Variants in EDRF1 observed in about 807,000 individuals in gnomAD.
EDRF1 encodes the protein erythroid differentiation-related factor 1.
EDRF1 carries 69 observed loss-of-function variants against 148.7 expected under a neutral mutation model. The ratio of observed to expected loss-of-function variants is 0.46; its 90% CI spans 0.38 to 0.57. The LOEUF (loss-of-function observed/expected upper bound fraction) is 0.57, where lower values mean the gene tolerates loss of function less well. Among genes scored for constraint, EDRF1 ranks in the 20% least tolerant of loss-of-function variants. The pLI is 0.00. For synonymous variants in EDRF1, 515 were observed against 532.8 expected, an observed-to-expected ratio of 0.97 and a Z score of 0.46; for missense variants, 1,118 against 1,478.7, an observed-to-expected ratio of 0.76 and a Z score of 4.00.
chr10:125,725,059 A>T (rs1398204318), intron 4 of EDRF1, among the ~76,000 whole-genome samples: 8 of 152,308 alleles, frequency 5.3e-5, no homozygotes, highest in African/African-American at 1.9e-4. Context: ...AGTGGGAACT[A>T]CTGCAGCTGC....
chr10:125,744,555 C>T (rs1282609328), intron 18 of EDRF1, among the ~76,000 whole-genome samples: 2 of 152,124 alleles, frequency 1.3e-5, no homozygotes, highest in Non-Finnish European at 2.9e-5. Flanking sequence ...GAGTTCATTG[C>T]TAGTGGGAGA....
chr10:125,721,191 A>G lies in EDRF1; in HGVS notation c.109-13A>G, dbSNP rs1296376504. On this transcript the variant is annotated splice_polypyrimidine_tract_variant and intron_variant, in intron 1 of 24. Coordinates refer to ENST00000356792, the MANE Select transcript of EDRF1 (RefSeq NM_001202438.2). ...GTAATTTTCATTAAAGTTTCACCCA[A>G]TGTGTTAATTAGGGATCAGCTTTAT... The G allele has an allele frequency of 1.9e-6, 3 of 1,613,446 alleles. No individual in the cohort carries two copies. Among genetic ancestry groups the G allele is most frequent in the Non-Finnish European group, 2.5e-6 (3 of 1,179,408 alleles).
At chr10:125,752,685 T>C in intron 22 of EDRF1, 114 bp from the exon 23 acceptor site, 2 of 699,926 alleles carry the variant, frequency 2.9e-6, no homozygotes, top group Admixed American at 2.5e-5. Flanking sequence ...TTTAAGATTC[T>C]CATTAGCTTC....
intron 24 of EDRF1, chr10:125,761,187 C>A: frequency 2.6e-6 from 1 of 379,690 alleles, no homozygotes; most frequent in South Asian, 2.1e-5. Context: ...GTGAAAGATG[C>A]ATTTTACTTG....
At chr10:125,731,748 A>G (rs1848485875) in intron 9 of EDRF1, 1 of 322,320 alleles carries the variant, frequency 3.1e-6, no homozygotes, top group Non-Finnish European at 6.8e-6. Context: ...ACTTTCCACT[A>G]GAGAGGAACT....
At position 125,747,872 on chromosome 10, in the gene EDRF1, G is replaced by A; in HGVS notation, c.2983G>A (p.Glu995Lys). The change falls in exon 21 of 25, where the codon GAA becomes AAA. Residue 995 changes from glutamate to lysine, a missense_variant. By Grantham distance (56) the Glu-to-Lys change is moderately conservative (BLOSUM62 1). Coordinates refer to ENST00000356792, the MANE Select transcript of EDRF1 (RefSeq NM_001202438.2). ...CTCAAAACAAGAACAGATTGAGAAAGAAGTCAGTGAGGCCATGATGAAGTC... is the reference window on the plus strand; with the variant it reads ...CTCAAAACAAGAACAGATTGAGAAAAAAGTCAGTGAGGCCATGATGAAGTC... ...SRKAQEQIEK[E>K]VSEAMMKSLK... 3.1e-6 allele frequency: 5 copies of A among 1,614,194 alleles called. No homozygotes were observed. The highest frequency in any genetic ancestry group is 4.2e-6 in the Non-Finnish European group (5 of 1,180,032).
chr10:125,737,677 G>C (rs1285370111), intron 13 of EDRF1, among the ~76,000 whole-genome samples: 2 of 152,152 alleles, frequency 1.3e-5, no homozygotes, highest in African/African-American at 4.8e-5. Context: ...ATTATGAGTG[G>C]AGCTGACCTA....
At chr10:125,752,751 T>G (rs1170402726) in intron 22 of EDRF1, 48 bp from the exon 23 acceptor site, 1 of 1,282,158 alleles carries the variant, frequency 7.8e-7, no homozygotes, top group Non-Finnish European at 1.1e-6. Flanking sequence ...TTAGATGGGT[T>G]TCTAGATTTA....
At position 125,749,480 on chromosome 10, in the gene EDRF1, G is replaced by A. The variant is rs779854916; in HGVS notation, c.3192G>A (p.Lys1064=). 2.5e-6 allele frequency: 4 copies of A among 1,614,194 alleles called. No individual in the cohort carries two copies. Among genetic ancestry groups the A allele is most frequent in the African/African-American group, 1.3e-5 (1 of 75,054 alleles). The part of the protein sequence containing the change: ...LADLHYSKAA[K]LFQLLKDAPC... ...ATCTTCATTACAGCAAGGCCGCAAA[G>A]CTGTTTCAGCTGCTGAAAGATGCTC... The change falls in exon 22 of 25, where the codon AAG becomes AAA. Residue 1064 remains lysine (K), a synonymous_variant. Transcript: ENST00000356792.
At chr10:125,744,279 C>T (rs1298727523) in intron 18 of EDRF1, among the ~76,000 whole-genome samples, 1 of 150,858 alleles carries the variant, frequency 6.6e-6, no homozygotes, top group Non-Finnish European at 1.5e-5. Context: ...AATGCAGTGG[C>T]ATAATCATAG....
rs1849123934 is a variant in EDRF1, at chr10:125,743,183, T to C, written c.2497T>C (p.Tyr833His). 2 of 1,613,876 alleles carry C rather than the reference T, an allele frequency of 1.2e-6. No homozygotes were observed. The highest frequency in any genetic ancestry group is 1.7e-6 in the Non-Finnish European group (2 of 1,179,892). ...CTTGAAAAGCCAAAATCCAGAACAC[T>C]ATGTACAAGTATTAAAGAGAATGGG... is the stretch of plus-strand genomic sequence containing the variant. Reference protein sequence around the residue: ...SDLKSQNPEHYVQVLKRMGNI... With the variant: ...SDLKSQNPEHHVQVLKRMGNI... Residue 833 changes from tyrosine (Y) to histidine (H), a missense_variant, in exon 18 of 25, where the codon TAT (tyrosine) becomes CAT (histidine). Physicochemically the swap from Tyr to His is moderately conservative, Grantham distance 83. This residue lies in a region of EDRF1 where 954 missense variants were observed against 1,241.4 expected (regional missense o/e 0.77). Coordinates refer to ENST00000356792, the MANE Select transcript of EDRF1 (RefSeq NM_001202438.2).
At chr10:125,743,873 G>A (rs1212613792) in intron 18 of EDRF1, among the ~76,000 whole-genome samples, 1 of 152,188 alleles carries the variant, frequency 6.6e-6, no homozygotes, top group African/African-American at 2.4e-5. Context: ...GTGTGAGGAA[G>A]ATGTGGGATA....
chr10:125,757,743 G>A (rs1318582158), intron 24 of EDRF1, among the ~76,000 whole-genome samples: 1 of 152,176 alleles, frequency 6.6e-6, no homozygotes, highest in Non-Finnish European at 1.5e-5. Context: ...GTACTTTAAA[G>A]ATGTCACTCC....
rs574826318 is a variant in EDRF1, at chr10:125,725,273, C to T, written c.511-45C>T. The T allele has an allele frequency of 1.6e-5, 25 of 1,611,330 alleles. No homozygotes were observed. In the South Asian group the frequency reaches 1.9e-4, roughly 12 times the overall value. On this transcript the variant is annotated intron_variant, in intron 4 of 24. Transcript: ENST00000356792. ...AAGCTAGTACTAGGTAACATTGTTT[C>T]GACTATGTGTGTTGTATTAATAATA...
At chr10:125,733,300 G>T in intron 9 of EDRF1, 104 bp from the exon 10 acceptor site, 1 of 861,124 alleles carries the variant, frequency 1.2e-6, no homozygotes. Flanking sequence ...TGCTACATAG[G>T]TCTCTGTTTG....
At chr10:125,726,918 CT>C (rs1320568242) in intron 6 of EDRF1, among the ~76,000 whole-genome samples, 1 of 152,120 alleles carries the variant, frequency 6.6e-6, no homozygotes, top group African/African-American at 2.4e-5. Flanking sequence ...CTGTCTTTAC[CT>C]TGTTTAGGAA....
rs533876573 is a variant in EDRF1, at chr10:125,763,675, C to T, written c.*203C>T. ...TCACTTGAAGTGCTAACATCAGAAT[C>T]AAACTTAAAGCTTCCACTATTTATG... On this transcript the variant is annotated 3_prime_UTR_variant, in exon 25 of 25. Coordinates refer to ENST00000356792, the MANE Select transcript of EDRF1 (RefSeq NM_001202438.2). The surrounding 1 kb of genome is among the most constrained non-coding windows in gnomAD (Gnocchi z 4.3). 4 of 631,344 alleles carry T rather than the reference C, an allele frequency of 6.3e-6. No homozygotes were observed. Among genetic ancestry groups the T allele is most frequent in the South Asian group, 3.9e-5 (2 of 51,302 alleles). 39.1% of individuals were successfully genotyped at this position (631,344 alleles called of 1,614,324 possible).
Position 125,763,467 on chromosome 10 carries a change from C to T in EDRF1, c.3712C>T (p.Gln1238Ter). The T allele has an allele frequency of 1.2e-6, 2 of 1,606,538 alleles. No individual in the cohort carries two copies. The highest frequency in any genetic ancestry group is 1.7e-6 in the Non-Finnish European group (2 of 1,179,930). The change falls in exon 25 of 25, where the codon CAG becomes TAG. Residue 1238 changes from glutamine (Q) to a stop codon, truncating the protein, a stop_gained. Coordinates refer to ENST00000356792, the MANE Select transcript of EDRF1 (RefSeq NM_001202438.2). LOFTEE classifies it high-confidence loss of function. This position sits in a 1 kb window ranked among gnomAD's most constrained non-coding sequence, Gnocchi z 4.3. The part of the protein sequence containing the change: ...AGSAASSNAV[Q>*] The stretch of plus-strand genomic sequence containing the variant: ...CAGTGCAGCGAGCAGCAATGCCGTT[C>T]AGTGACTGCACAGAGCCGTGTCCCA...
intron 8 of EDRF1, 165 bp from the exon 9 acceptor site, chr10:125,730,123 A>G: frequency 1.7e-6 from 1 of 605,940 alleles, no homozygotes; most frequent in Non-Finnish European, 2.9e-6. Flanking sequence ...AATATAGCAC[A>G]ACCACTGAGC....
Sources: gnomAD v4.1 joint callset for allele counts (sites outside exome capture counted in the v4.1 genomes callset) on GRCh38, gnomAD v4.1.1 for gene constraint, gnomAD v4.1.1 regional missense constraint, Gnocchi (gnomAD v3.1) non-coding constraint, MANE v1.5 for transcripts, NCBI Gene and HGNC (gene_info 2026-07-23, HGNC 2026-07-21) for gene names.